The following TMPRSS15 variants were observed in gnomAD, a reference collection of about 807,000 sequenced individuals.
TMPRSS15 encodes the protein enteropeptidase.
Under a neutral mutation model 125.3 loss-of-function variants are expected in TMPRSS15, and 128 were observed. The ratio of observed to expected loss-of-function variants is 1.02; its 90% CI spans 0.89 to 1.18. TMPRSS15 has a LOEUF of 1.18. TMPRSS15 is among the 50% of genes most tolerant of loss of function. TMPRSS15 has a pLI of 0.00. For missense variants in TMPRSS15, 1,283 were observed against 1,212.7 expected (o/e 1.06, Z -0.86); for synonymous variants, 446 against 423.2 (o/e 1.05, Z -0.66).
intron 17 of TMPRSS15, 72 bp downstream of exon 17, chr21:18,315,074 T>A: frequency 8.3e-7 from 1 of 1,202,198 alleles, no homozygotes; most frequent in Non-Finnish European, 1.2e-6. Context: ...AGTTATAATC[T>A]TTCTTTGACA....
At chr21:18,304,786 AT>A (rs2075012378) in intron 18 of TMPRSS15, among the ~76,000 whole-genome samples, 1 of 152,168 alleles carries the variant, frequency 6.6e-6, no homozygotes, top group African/African-American at 2.4e-5. Context: ...GGATTTAAAA[AT>A]TTTTGATAAT....
At chr21:18,342,047 C>A (rs986923698) in intron 12 of TMPRSS15, among the ~76,000 whole-genome samples, 1 of 152,064 alleles carries the variant, frequency 6.6e-6, no homozygotes, top group Non-Finnish European at 1.5e-5. Flanking sequence ...TCATTCAGGG[C>A]CAGCTGTTAC....
intron 3 of TMPRSS15, among the ~76,000 whole-genome samples, chr21:18,390,829 A>T (rs1244997316): frequency 1.3e-5 from 2 of 152,220 alleles, no homozygotes; most frequent in African/African-American, 4.8e-5. Context: ...GAGACTGGGT[A>T]ATTTATAAAA....
intron 18 of TMPRSS15, among the ~76,000 whole-genome samples, chr21:18,312,045 T>C (rs1251362528): frequency 6.6e-6 from 1 of 152,092 alleles, no homozygotes; most frequent in East Asian, 1.9e-4. Flanking sequence ...ACCTCATAGT[T>C]TAATATGACA....
chr21:18,423,473 A>G (rs369612746), intron 1 of TMPRSS15, among the ~76,000 whole-genome samples: 202 of 147,494 alleles, frequency 1.4e-3, no homozygotes, highest in African/African-American at 4.6e-3. Flanking sequence ...CAGTGGCGCG[A>G]TCTCGGCTCA....
Position 18,353,059 on chromosome 21 carries a change from A to G in TMPRSS15, c.1022-7T>C. The G allele has an allele frequency of 6.2e-7, 1 of 1,608,016 alleles. No homozygotes were observed. The highest frequency in any genetic ancestry group is 8.5e-7 in the Non-Finnish European group (1 of 1,177,630). On this transcript the variant is annotated splice_region_variant and splice_polypyrimidine_tract_variant and intron_variant, in intron 9 of 24. Coordinates refer to ENST00000284885, the MANE Select transcript of TMPRSS15 (RefSeq NM_002772.3). ...CAATTAATTTTCTCATAATCTGTGAATGAAAAAAAAGAAGGAATAAAAAAA... is the reference window on the plus strand; with the variant it reads ...CAATTAATTTTCTCATAATCTGTGAGTGAAAAAAAAGAAGGAATAAAAAAA...
At chr21:18,450,041 C>T (rs1569071329) in intron 1 of TMPRSS15, among the ~76,000 whole-genome samples, 1 of 152,096 alleles carries the variant, frequency 6.6e-6, no homozygotes, top group Non-Finnish European at 1.5e-5. Flanking sequence ...CCTTGGCTCT[C>T]ACTTAAGTAT....
chr21:18,398,204 G>T lies in TMPRSS15; in HGVS notation c.271C>A (p.Gln91Lys). Residue 91 changes from glutamine to lysine, a missense_variant, in exon 2 of 25, where the codon CAA (glutamine) becomes AAA (lysine). Gln to Lys is a moderately conservative substitution (Grantham distance 53, BLOSUM62 1). Coordinates refer to ENST00000284885, the MANE Select transcript of TMPRSS15 (RefSeq NM_002772.3). ...DFKVLAFDLQ[Q>K]MIDEIFLSSN... ...ACCAGCTGTCAGTCTCCTACCATTT[G>T]CTGAAGGTCAAAAGCAAGAACTTTG... The T allele has an allele frequency of 6.2e-7, 1 of 1,613,806 alleles. No individual in the cohort carries two copies. Among genetic ancestry groups the T allele is most frequent in the Non-Finnish European group, 8.5e-7 (1 of 1,179,758 alleles).
chr21:18,434,081 G>T (rs1250271397), intron 1 of TMPRSS15, among the ~76,000 whole-genome samples: 2 of 152,054 alleles, frequency 1.3e-5, no homozygotes, highest in African/African-American at 4.8e-5. Context: ...TCTCTCCTTT[G>T]TTTTTTCTTT....
chr21:18,353,936 T>C (rs558342304), intron 8 of TMPRSS15, 73 bp from the exon 9 acceptor site: 1 of 1,410,418 alleles, frequency 7.1e-7, no homozygotes, highest in Non-Finnish European at 1.0e-6. Flanking sequence ...CATCAGTCCA[T>C]CTACTGAACT....
chr21:18,300,198 CTCTT>C (rs1271332613), intron 18 of TMPRSS15, among the ~76,000 whole-genome samples: 12 of 70,574 alleles, frequency 1.7e-4, no homozygotes, highest in East Asian at 9.8e-4. Context: ...TTCTTTCTTT[CTCTT>C]TCTTTCTTTT....
chr21:18,464,791 C>T (rs1329328800), intron 1 of TMPRSS15, among the ~76,000 whole-genome samples: 3 of 152,020 alleles, frequency 2.0e-5, no homozygotes, highest in African/African-American at 7.2e-5. Context: ...CAAAAAAAGC[C>T]CAGGACCAGA....
At chr21:18,326,684 T>G in intron 15 of TMPRSS15, 112 bp from the exon 16 acceptor site, 2 of 1,258,784 alleles carry the variant, frequency 1.6e-6, no homozygotes, top group Non-Finnish European at 2.3e-6. Flanking sequence ...GTTACATGGC[T>G]CGCTCATAGA....
chr21:18,419,469 C>T (rs142310950), intron 1 of TMPRSS15, among the ~76,000 whole-genome samples: 2 of 152,238 alleles, frequency 1.3e-5, no homozygotes, highest in East Asian at 1.9e-4. Context: ...TCGTGATCCA[C>T]CTGCCTCAGC....
At chr21:18,375,313 A>G (rs1040674285) in intron 5 of TMPRSS15, among the ~76,000 whole-genome samples, 22 of 152,334 alleles carry the variant, frequency 1.4e-4, no homozygotes, top group African/African-American at 5.3e-4. Flanking sequence ...ATCAATTAAA[A>G]CATTAGCTGT....
At chr21:18,397,637 T>C (rs1406299987) in intron 3 of TMPRSS15, among the ~76,000 whole-genome samples, 3 of 152,174 alleles carry the variant, frequency 2.0e-5, no homozygotes, top group South Asian at 2.1e-4. Flanking sequence ...ACCCTCTCCA[T>C]GTGTCTCTGC....
intron 3 of TMPRSS15, among the ~76,000 whole-genome samples, chr21:18,393,405 T>G (rs1406739836): frequency 1.3e-5 from 2 of 152,204 alleles, no homozygotes; most frequent in African/African-American, 4.8e-5. Context: ...GTTTGTAGGA[T>G]GTCCACAGCA....
At chr21:18,353,907 G>C in intron 8 of TMPRSS15, 44 bp from the exon 9 acceptor site, 1 of 1,563,284 alleles carries the variant, frequency 6.4e-7, no homozygotes, top group Non-Finnish European at 8.8e-7. Flanking sequence ...ATATCTATCT[G>C]TTCATCTCTC....
chr21:18,366,854 G>C (rs1271353763), intron 6 of TMPRSS15, among the ~76,000 whole-genome samples: 1 of 152,006 alleles, frequency 6.6e-6, no homozygotes, highest in African/African-American at 2.4e-5. Context: ...ATTCTAAACT[G>C]AGCTATGAAA....
Sources: allele counts gnomAD v4.1 joint callset (sites outside exome capture counted in the v4.1 genomes callset), GRCh38; gene constraint gnomAD v4.1.1; transcripts MANE v1.5; gene names NCBI Gene and HGNC (gene_info 2026-07-23, HGNC 2026-07-21).